Variants in SUSD6 observed in about 807,000 individuals in gnomAD.
The protein encoded by SUSD6 is sushi domain containing 6.
A neutral mutation model predicts 28.4 loss-of-function variants in SUSD6; 16 were observed. That is an observed-to-expected ratio of 0.56 (90% CI 0.38 to 0.86). SUSD6 has a LOEUF of 0.86. SUSD6 is among the 40% of genes least tolerant of loss of function. SUSD6 has a pLI of 0.00. For synonymous variants in SUSD6, 147 were observed against 159.6 expected, an observed-to-expected ratio of 0.92 and a Z score of 0.59; for missense variants, 341 against 384.2, an observed-to-expected ratio of 0.89 and a Z score of 0.94.
At position 69,703,551 on chromosome 14, in the gene SUSD6, A is replaced by G; in HGVS notation, c.278A>G (p.Glu93Gly). The change falls in exon 3 of 6, where the codon GAG becomes GGG. Residue 93 changes from glutamate to glycine, a missense_variant. Coordinates refer to ENST00000342745, the MANE Select transcript of SUSD6 (RefSeq NM_014734.4). ...AAATACCTGACGTGTAAGAATGGCG[A>G]GTGGAAACCAGCCATGGAGATTAGC... ...DYKYLTCKNG[E>G]WKPAMEISCR... 1 of 1,614,194 alleles carries G rather than the reference A, an allele frequency of 6.2e-7. No individual in the cohort carries two copies. Among genetic ancestry groups the G allele is most frequent in the African/African-American group, 1.3e-5 (1 of 75,038 alleles).
chr14:69,670,447 C>G, intron 2 of SUSD6: 1 of 456,702 alleles, frequency 2.2e-6, no homozygotes, highest in Non-Finnish European at 4.4e-6. Context: ...TCTCCTGACT[C>G]AGCTTGAATT....
intron 2 of SUSD6, among the ~76,000 whole-genome samples, chr14:69,692,841 G>A (rs1886171935): frequency 6.6e-6 from 1 of 152,166 alleles, no homozygotes; most frequent in Non-Finnish European, 1.5e-5. Flanking sequence ...CTGAGCTGCC[G>A]TAAACAGCCA....
intron 1 of SUSD6, among the ~76,000 whole-genome samples, chr14:69,654,771 CTTTT>C (rs747847939): frequency 6.5e-5 from 8 of 122,464 alleles, no homozygotes; most frequent in Admixed American, 1.8e-4. Context: ...TTACCAATTT[CTTTT>C]TTTTTTTTTT....
intron 1 of SUSD6, among the ~76,000 whole-genome samples, chr14:69,627,890 TCTTA>T (rs1327928759): frequency 2.6e-5 from 4 of 152,110 alleles, no homozygotes; most frequent in African/African-American, 9.7e-5. Context: ...GAAGTGCTGC[TCTTA>T]CTTTACAGAG....
chr14:69,677,014 A>C (rs1885919897), intron 2 of SUSD6, among the ~76,000 whole-genome samples: 1 of 152,202 alleles, frequency 6.6e-6, no homozygotes, highest in Non-Finnish European at 1.5e-5. Flanking sequence ...AAGCATTAGG[A>C]ACCAGGGACC....
intron 2 of SUSD6, among the ~76,000 whole-genome samples, chr14:69,695,348 A>G (rs1886210196): frequency 6.6e-6 from 1 of 152,260 alleles, no homozygotes; most frequent in South Asian, 2.1e-4. Flanking sequence ...CTGCATGGAC[A>G]GGATGATCTC....
chr14:69,641,057 A>G (rs539688745), intron 1 of SUSD6, among the ~76,000 whole-genome samples: 7 of 152,250 alleles, frequency 4.6e-5, no homozygotes, highest in Non-Finnish European at 7.3e-5. Context: ...CACAAAAAGC[A>G]TTAGTGATGG....
Position 69,703,404 on chromosome 14 carries a change from T to C in SUSD6, c.131T>C (p.Leu44Pro). ...LGDGLASVCP[L>P]PPEPENGGYI... ...CTCCCTGTCTTTGCAGTGTGCCCCCTACCACCGGAGCCAGAGAATGGTGGC... is the reference window on the plus strand; with the variant it reads ...CTCCCTGTCTTTGCAGTGTGCCCCCCACCACCGGAGCCAGAGAATGGTGGC... Residue 44 changes from leucine to proline, a missense_variant, in exon 3 of 6, where the codon CTA becomes CCA. By Grantham distance (98) the Leu-to-Pro change is moderately conservative. Transcript: ENST00000342745. The C allele has an allele frequency of 6.2e-7, 1 of 1,613,660 alleles. No homozygotes were observed. Among genetic ancestry groups the C allele is most frequent in the Non-Finnish European group, 8.5e-7 (1 of 1,179,840 alleles).
chr14:69,701,702 T>C (rs546817410), intron 2 of SUSD6, among the ~76,000 whole-genome samples: 2 of 152,254 alleles, frequency 1.3e-5, no homozygotes, highest in South Asian at 4.1e-4. Context: ...TAGAGGGGAC[T>C]TGGGGGGAGC....
chr14:69,652,766 T>TTTAAACTTA (rs1885522674), intron 1 of SUSD6, among the ~76,000 whole-genome samples: 1 of 152,194 alleles, frequency 6.6e-6, no homozygotes, highest in Non-Finnish European at 1.5e-5. Context: ...CCAGGGCACC[T>TTTAAACTTA]TTAAACTTAT....
intron 1 of SUSD6, among the ~76,000 whole-genome samples, chr14:69,657,464 A>AC (rs1555344277): frequency 2.0e-5 from 3 of 151,906 alleles, no homozygotes; most frequent in Non-Finnish European, 4.4e-5. Flanking sequence ...CAAAAAAAAA[A>AC]CAAAATCAGA....
chr14:69,617,295 G>C (rs1884973226), intron 1 of SUSD6: 1 of 152,174 alleles, frequency 6.6e-6, no homozygotes, highest in South Asian at 2.1e-4. Context: ...CATTTCTCAA[G>C]GAGATACCTT....
At chr14:69,642,929 T>C (rs1270915521) in intron 1 of SUSD6, among the ~76,000 whole-genome samples, 1 of 152,154 alleles carries the variant, frequency 6.6e-6, no homozygotes, top group Admixed American at 6.5e-5. Flanking sequence ...TCTCTCCTTT[T>C]CAATTAATTT....
At chr14:69,628,807 G>A (rs1178402072) in intron 1 of SUSD6, among the ~76,000 whole-genome samples, 2 of 146,088 alleles carry the variant, frequency 1.4e-5, no homozygotes, top group Non-Finnish European at 3.0e-5. Flanking sequence ...TGCAGCCTCC[G>A]CCTCCCCACC....
chr14:69,657,574 A>AG (rs1000378802), intron 1 of SUSD6, among the ~76,000 whole-genome samples: 2 of 152,304 alleles, frequency 1.3e-5, no homozygotes, highest in Non-Finnish European at 2.9e-5. Context: ...TTAATGGAGA[A>AG]GGGGGTGTGT....
chr14:69,676,229 C>T (rs1885906730), intron 2 of SUSD6, among the ~76,000 whole-genome samples: 1 of 152,124 alleles, frequency 6.6e-6, no homozygotes, highest in Non-Finnish European at 1.5e-5. Context: ...AATACTCAAA[C>T]CAAGAGAGAG....
chr14:69,677,406 G>T (rs992792701), intron 2 of SUSD6, among the ~76,000 whole-genome samples: 4 of 152,140 alleles, frequency 2.6e-5, no homozygotes, highest in Non-Finnish European at 1.5e-5. Context: ...AATTAGCTGG[G>T]CGTGGTGGTG....
At chr14:69,677,559 A>C (rs545759823) in intron 2 of SUSD6, among the ~76,000 whole-genome samples, 4 of 151,914 alleles carry the variant, frequency 2.6e-5, no homozygotes, top group Non-Finnish European at 4.4e-5. Flanking sequence ...AAAAAAAAAA[A>C]AAAAGAAAAG....
chr14:69,628,356 G>C (rs1047511660), intron 1 of SUSD6, among the ~76,000 whole-genome samples: 4 of 152,216 alleles, frequency 2.6e-5, no homozygotes, highest in African/African-American at 9.7e-5. Flanking sequence ...GAAGGTTGCT[G>C]ATGGGGCTAT....
Sources: gnomAD v4.1 joint callset for allele counts (sites outside exome capture counted in the v4.1 genomes callset) on GRCh38, gnomAD v4.1.1 for gene constraint, MANE v1.5 for transcripts, NCBI Gene and HGNC (gene_info 2026-07-23, HGNC 2026-07-21) for gene names.